The following COL22A1 variants were observed in gnomAD, a reference collection of about 807,000 sequenced individuals.
COL22A1 encodes collagen type XXII alpha 1 chain, also known as collagen alpha-1(XXII) chain.
In COL22A1, 221 loss-of-function variants were observed where a neutral mutation model predicts 248.9. The observed-to-expected ratio is 0.89, with a 90% CI of 0.80 to 0.99. The LOEUF is 0.99. Ranked by LOEUF, COL22A1 falls within the 50% of genes least tolerant of loss-of-function variation. COL22A1 has a pLI of 0.00. For missense variants in COL22A1, 2,240 were observed against 2,179.0 expected, an observed-to-expected ratio of 1.03 and a Z score of -0.56; for synonymous variants, 891 against 793.4, an observed-to-expected ratio of 1.12 and a Z score of -2.07.
chr8:138,623,602 G>A (rs2131957589), intron 52 of COL22A1, 130 bp downstream of exon 52: 1 of 765,170 alleles, frequency 1.3e-6, no homozygotes, highest in East Asian at 2.5e-5. Flanking sequence ...GCAGGAGTAT[G>A]TAAATGAAAT....
intron 35 of COL22A1, 103 bp from the exon 36 acceptor site, chr8:138,690,977 C>T: frequency 4.6e-6 from 4 of 868,970 alleles, no homozygotes; most frequent in Non-Finnish European, 6.9e-6. Context: ...CCGCAATGTG[C>T]TGGAACTGCT....
intron 1 of COL22A1, among the ~76,000 whole-genome samples, chr8:138,900,818 T>G (rs35021846): frequency 0.084 from 12,717 of 152,280 alleles, 635 homozygotes; most frequent in Non-Finnish European, 0.099. Context: ...CCATCCAGCT[T>G]ACTTTCTAGA....
intron 32 of COL22A1, among the ~76,000 whole-genome samples, chr8:138,696,901 G>A (rs1009128550): frequency 1.7e-4 from 26 of 152,168 alleles, no homozygotes; most frequent in African/African-American, 6.3e-4. Context: ...TACCCATGGT[G>A]GGGATTTGCA....
At chr8:138,860,808 C>T (rs1429684944) in intron 3 of COL22A1, among the ~76,000 whole-genome samples, 1 of 151,944 alleles carries the variant, frequency 6.6e-6, no homozygotes, top group African/African-American at 2.4e-5. Context: ...ACCCTGTCTC[C>T]AAAAAACAAA....
At chr8:138,770,088 T>C (rs537061626) in intron 16 of COL22A1, among the ~76,000 whole-genome samples, 3 of 152,270 alleles carry the variant, frequency 2.0e-5, no homozygotes, top group South Asian at 2.1e-4. Context: ...GTACCTGCAC[T>C]GGTGGAGGCC....
chr8:138,664,900 G>A (rs142532531), intron 41 of COL22A1, among the ~76,000 whole-genome samples: 1 of 152,238 alleles, frequency 6.6e-6, no homozygotes, highest in African/African-American at 2.4e-5. Flanking sequence ...GCAACGCCAG[G>A]AGTCACTGGC....
At chr8:138,782,770 A>G (rs1330122430) in intron 12 of COL22A1, among the ~76,000 whole-genome samples, 1 of 151,640 alleles carries the variant, frequency 6.6e-6, no homozygotes, top group African/African-American at 2.4e-5. Context: ...TGGGAACAGA[A>G]TTGGGCTTCC....
intron 6 of COL22A1, among the ~76,000 whole-genome samples, chr8:138,821,819 T>C (rs1819160866): frequency 6.6e-6 from 1 of 152,168 alleles, no homozygotes; most frequent in South Asian, 2.1e-4. Flanking sequence ...TCAGTGTCTT[T>C]TAAAATCGTG....
intron 62 of COL22A1, among the ~76,000 whole-genome samples, chr8:138,595,385 A>T (rs1817440733): frequency 6.6e-6 from 1 of 152,138 alleles, no homozygotes; most frequent in South Asian, 2.1e-4. Context: ...AACCATTTTG[A>T]AACGGCTCTT....
At chr8:138,888,212 C>T (rs771269234) in intron 1 of COL22A1, among the ~76,000 whole-genome samples, 3 of 152,144 alleles carry the variant, frequency 2.0e-5, no homozygotes, top group Non-Finnish European at 4.4e-5. Context: ...TTCTCAATGA[C>T]CCTGTGACAC....
At chr8:138,658,711 T>C (rs950844588) in intron 44 of COL22A1, among the ~76,000 whole-genome samples, 2 of 152,198 alleles carry the variant, frequency 1.3e-5, no homozygotes, top group Non-Finnish European at 2.9e-5. Flanking sequence ...ATAACAGCTT[T>C]TCTGAGTTCT....
chr8:138,830,911 T>C (rs1819995408), intron 5 of COL22A1, among the ~76,000 whole-genome samples: 1 of 152,104 alleles, frequency 6.6e-6, no homozygotes, highest in South Asian at 2.1e-4. Context: ...CACATGAGCA[T>C]GGGGCCAGGT....
At chr8:138,854,546 C>G (rs1434234332) in intron 3 of COL22A1, among the ~76,000 whole-genome samples, 1 of 152,142 alleles carries the variant, frequency 6.6e-6, no homozygotes, top group African/African-American at 2.4e-5. Flanking sequence ...CCACTGCCCT[C>G]CCCTTTGGCC....
At chr8:138,663,805 GTGTTT>G in intron 41 of COL22A1, 65 bp from the exon 42 acceptor site, 1 of 1,281,226 alleles carries the variant, frequency 7.8e-7, no homozygotes, top group Non-Finnish European at 1.1e-6. Flanking sequence ...ACAAGCTATG[GTGTTT>G]ATTCCATAGA....
chr8:138,716,170 C>A, intron 29 of COL22A1, 57 bp downstream of exon 29: 1 of 1,369,014 alleles, frequency 7.3e-7, no homozygotes, highest in Non-Finnish European at 1.0e-6. Context: ...CAGGGGGCTG[C>A]TCTCTGTGGA....
Position 138,776,084 on chromosome 8 carries a change from G to A in COL22A1, c.1759-74C>T, listed in dbSNP as rs1006376317. Reference sequence around the variant, plus strand: ...CTGTGCTCACCGTGGGGGTGTCCATGGAGAAACTGCCTGGCAGCTTCCAGC... The same window carrying A: ...CTGTGCTCACCGTGGGGGTGTCCATAGAGAAACTGCCTGGCAGCTTCCAGC... On this transcript the variant is annotated intron_variant, in intron 15 of 64. Transcript: ENST00000303045. 13 of 1,477,860 alleles carry A rather than the reference G, an allele frequency of 8.8e-6. No individual in the cohort carries two copies. In the African/African-American group the frequency reaches 1.8e-4, roughly 20 times the overall value. The allele number at this position is 1,477,860 out of a possible 1,614,324, so 91.5% of individuals were successfully genotyped here.
chr8:138,617,044 C>T (rs748203096), intron 53 of COL22A1, 86 bp from the exon 54 acceptor site: 28 of 1,360,478 alleles, frequency 2.1e-5, no homozygotes, highest in Non-Finnish European at 2.7e-5. Flanking sequence ...CCGGCTTTGA[C>T]CCACGTTGCC....
chr8:138,672,349 TG>T (rs1274095204), intron 41 of COL22A1, among the ~76,000 whole-genome samples: 2 of 152,260 alleles, frequency 1.3e-5, no homozygotes, highest in Admixed American at 6.5e-5. Flanking sequence ...CACTTTATGT[TG>T]GCTGTGGTTG....
intron 6 of COL22A1, among the ~76,000 whole-genome samples, chr8:138,821,752 A>T (rs1459454200): frequency 6.6e-6 from 1 of 152,198 alleles, no homozygotes; most frequent in African/African-American, 2.4e-5. Flanking sequence ...AGACTCCAAG[A>T]CAATTCATGC....
Sources: allele counts gnomAD v4.1 joint callset (sites outside exome capture counted in the v4.1 genomes callset), GRCh38; gene constraint gnomAD v4.1.1; transcripts MANE v1.5; gene names NCBI Gene and HGNC (gene_info 2026-07-23, HGNC 2026-07-21).